OTOA: variants seen among roughly 807,000 people sequenced by gnomAD.
OTOA encodes the protein otoancorin, also known as cancer/testis antigen 108.
A neutral mutation model predicts 110.8 loss-of-function variants in OTOA; 70 were observed. That is an observed-to-expected ratio of 0.63 (90% CI 0.52 to 0.77). The LOEUF is 0.77. OTOA is among the 30% of genes least tolerant of loss of function. OTOA has a pLI of 0.00. For synonymous variants in OTOA, 373 were observed against 431.5 expected, an observed-to-expected ratio of 0.86 and a Z score of 1.68; for missense variants, 917 against 1,075.8, an observed-to-expected ratio of 0.85 and a Z score of 2.06.
chr16:21,721,024 C>G (rs1597840992), intron 17 of OTOA, among the ~76,000 whole-genome samples: 1 of 151,468 alleles, frequency 6.6e-6, no homozygotes, highest in South Asian at 2.1e-4. Flanking sequence ...AAGTGATTCT[C>G]CTGCCTCAGT....
intron 1 of OTOA, among the ~76,000 whole-genome samples, chr16:21,666,472 C>T (rs1238900136): frequency 6.6e-6 from 1 of 152,060 alleles, no homozygotes; most frequent in Non-Finnish European, 1.5e-5. Flanking sequence ...ATGGGTTGAC[C>T]AACTCCTCCG....
At chr16:21,704,690 C>G (rs1429287385) in intron 11 of OTOA, among the ~76,000 whole-genome samples, 1 of 152,150 alleles carries the variant, frequency 6.6e-6, no homozygotes, top group Non-Finnish European at 1.5e-5. Flanking sequence ...CAATGGAAAA[C>G]CAAACACTGA....
chr16:21,687,336 C>A, intron 7 of OTOA, 77 bp from the exon 8 acceptor site: 3 of 1,151,964 alleles, frequency 2.6e-6, no homozygotes, highest in African/African-American at 1.5e-5. Flanking sequence ...CCCACTGTTG[C>A]AATGTGTGGT....
intron 1 of OTOA, among the ~76,000 whole-genome samples, chr16:21,672,905 T>C (rs1966851252): frequency 1.3e-5 from 2 of 152,166 alleles, no homozygotes; most frequent in Admixed American, 1.3e-4. Context: ...CCTAGCACTT[T>C]GGGAGGCCGA....
intron 1 of OTOA, among the ~76,000 whole-genome samples, chr16:21,671,840 CA>C (rs1966849613): frequency 6.6e-6 from 1 of 151,988 alleles, no homozygotes; most frequent in East Asian, 1.9e-4. Context: ...AATCAAGATA[CA>C]AAAAATGGGG....
At chr16:21,697,098 T>A (rs984717589) in intron 9 of OTOA, among the ~76,000 whole-genome samples, 11 of 132,554 alleles carry the variant, frequency 8.3e-5, no homozygotes, top group African/African-American at 2.9e-4. Context: ...CTCAGGCTGG[T>A]CTCAAACTCC....
intron 28 of OTOA, among the ~76,000 whole-genome samples, chr16:21,759,821 A>G (rs1306152906): frequency 6.6e-6 from 1 of 151,740 alleles, no homozygotes; most frequent in Non-Finnish European, 1.5e-5. Flanking sequence ...AATCGCTTGA[A>G]CCTGGGAGAC....
intron 1 of OTOA, among the ~76,000 whole-genome samples, chr16:21,676,588 G>A (rs998596465): frequency 6.6e-6 from 1 of 152,176 alleles, no homozygotes; most frequent in Non-Finnish European, 1.5e-5. Flanking sequence ...GGATTGTTCT[G>A]CCTACTGGTG....
At chr16:21,694,202 A>C (rs1032098788) in intron 9 of OTOA, among the ~76,000 whole-genome samples, 1 of 152,088 alleles carries the variant, frequency 6.6e-6, no homozygotes, top group Non-Finnish European at 1.5e-5. Context: ...GCACTTTGGG[A>C]GGCCCAGGCA....
In OTOA at chr16:21,687,402, CATT is replaced by C; in HGVS notation, c.400-10_400-8del. 1 of 1,612,862 alleles carries C rather than the reference CATT, an allele frequency of 6.2e-7. No individual in the cohort carries two copies. On this transcript the variant is annotated splice_polypyrimidine_tract_variant and splice_region_variant and intron_variant, in intron 7 of 28. Transcript: ENST00000646100. ...CTCTCAAACTGACCCTGGCTTCTGT[CATT>C]GCTTTAGGACCTGAAAGACATCATC...
intron 19 of OTOA, 101 bp downstream of exon 19, chr16:21,726,759 G>C (rs919892078): frequency 6.6e-7 from 1 of 1,504,156 alleles, no homozygotes; most frequent in Non-Finnish European, 9.2e-7. Context: ...CTGCTGTGAT[G>C]GCCAGAAGTC....
chr16:21,670,242 C>A (rs780115188), intron 1 of OTOA, among the ~76,000 whole-genome samples: 1 of 151,942 alleles, frequency 6.6e-6, no homozygotes, highest in Non-Finnish European at 1.5e-5. Context: ...GCCTGAAAGA[C>A]CCTACTCACT....
chr16:21,691,825 G>A (rs1289404181), intron 9 of OTOA, 138 bp downstream of exon 9: 5 of 764,342 alleles, frequency 6.5e-6, no homozygotes, highest in East Asian at 2.7e-5. Flanking sequence ...AAAACAGTTT[G>A]ATGTGGCTTA....
intron 21 of OTOA, among the ~76,000 whole-genome samples, chr16:21,732,560 C>A (rs1361440077): frequency 5.3e-5 from 8 of 151,938 alleles, no homozygotes; most frequent in Admixed American, 1.3e-4. Flanking sequence ...AGTTTAGCTC[C>A]CACATATCAG....
chr16:21,696,043 C>T (rs1156860357), intron 9 of OTOA, among the ~76,000 whole-genome samples: 7 of 150,830 alleles, frequency 4.6e-5, no homozygotes, highest in African/African-American at 7.3e-5. Flanking sequence ...TACAGGCGTG[C>T]GCTACCACGC....
At chr16:21,714,337 CTTTCTTT>C (rs1898463289) in intron 13 of OTOA, among the ~76,000 whole-genome samples, 1 of 125,878 alleles carries the variant, frequency 7.9e-6, no homozygotes, top group Admixed American at 8.6e-5. Context: ...TCCTTCCTTT[CTTTCTTT>C]CTTTCTTTCC....
intron 18 of OTOA, among the ~76,000 whole-genome samples, chr16:21,724,981 A>T (rs1567392584): frequency 6.6e-6 from 1 of 151,846 alleles, no homozygotes; most frequent in Admixed American, 6.6e-5. Context: ...TTTCACCGTG[A>T]TGGCCAGGCT....
intron 1 of OTOA, among the ~76,000 whole-genome samples, chr16:21,676,270 A>AT (rs541527934): frequency 1.5e-4 from 22 of 148,472 alleles, no homozygotes; most frequent in Middle Eastern, 3.4e-3. Flanking sequence ...ACATTGCTGG[A>AT]TTTTTTTTTT....
In OTOA at chr16:21,760,647, C is replaced by G; in HGVS notation, c.*107C>G. On this transcript the variant is annotated 3_prime_UTR_variant, in exon 29 of 29. Transcript: ENST00000646100. ...CCCTTCCCTGGATCCAGACCCTCAT[C>G]TAGGGCAGGGAAACCCTGGGGCCTT... 9.9e-7 allele frequency: 1 copy of G among 1,012,064 alleles called. No individual in the cohort carries two copies. Among genetic ancestry groups the G allele is most frequent in the Non-Finnish European group, 1.5e-6 (1 of 671,904 alleles). 62.7% of individuals were successfully genotyped at this position (1,012,064 alleles called of 1,614,324 possible).
Sources: gnomAD v4.1 joint callset for allele counts (sites outside exome capture counted in the v4.1 genomes callset) on GRCh38, gnomAD v4.1.1 for gene constraint, MANE v1.5 for transcripts, NCBI Gene and HGNC (gene_info 2026-07-23, HGNC 2026-07-21) for gene names.